The following DTX1 variants were observed in gnomAD, a reference collection of about 807,000 sequenced individuals.
DTX1 encodes the protein deltex E3 ubiquitin ligase 1, also known as E3 ubiquitin-protein ligase DTX1.
A neutral mutation model predicts 57.8 loss-of-function variants in DTX1; 26 were observed. The ratio of observed to expected loss-of-function variants is 0.45; its 90% CI spans 0.33 to 0.62. The LOEUF (loss-of-function observed/expected upper bound fraction) is 0.62. DTX1 is among the 20% of genes least tolerant of loss of function. The pLI, the probability that DTX1 is intolerant of heterozygous loss-of-function variation, is 0.02. For missense variants in DTX1, 704 were observed against 895.3 expected (o/e 0.79, Z 2.73); for synonymous variants, 398 against 394.1 (o/e 1.01, Z -0.12).
intron 2 of DTX1, among the ~76,000 whole-genome samples, chr12:113,071,724 C>T (rs1055872736): frequency 6.6e-6 from 1 of 152,262 alleles, no homozygotes; most frequent in Non-Finnish European, 1.5e-5. Context: ...AAGGAACCAG[C>T]TGCCCACCCC....
intron 2 of DTX1, among the ~76,000 whole-genome samples, chr12:113,072,799 G>T (rs1236491381): frequency 1.3e-5 from 2 of 150,434 alleles, no homozygotes; most frequent in Non-Finnish European, 2.9e-5. Context: ...TGCCTCCTGG[G>T]TTCAAGCGAT....
chr12:113,063,000 G>A (rs1464936031), intron 2 of DTX1, among the ~76,000 whole-genome samples: 2 of 152,250 alleles, frequency 1.3e-5, no homozygotes, highest in African/African-American at 4.8e-5. Flanking sequence ...GATCAATCAC[G>A]GTGGTGTCCC....
Position 113,057,988 on chromosome 12 carries a change from G to A in DTX1, c.-205G>A, listed in dbSNP as rs2044640430. On this transcript the variant is annotated 5_prime_UTR_variant, in exon 2 of 10. Coordinates refer to ENST00000548759, the MANE Select transcript of DTX1 (RefSeq NM_004416.3). The stretch of plus-strand genomic sequence containing the variant: ...ACCCTTTATCGGAGAAGGCTCTACA[G>A]GGAAGGGGTCTTTGCAGCCTGGATG... 1.3e-6 allele frequency: 1 copy of A among 755,996 alleles called. No homozygotes were observed. The highest frequency in any genetic ancestry group is 1.8e-5 in the African/African-American group (1 of 56,706). The allele number at this position is 755,996 out of a possible 1,614,324, so 46.8% of individuals were successfully genotyped here. A position where few individuals can be genotyped will look rare whatever the true frequency, so the allele number is the denominator to read the frequency against.
intron 2 of DTX1, among the ~76,000 whole-genome samples, chr12:113,064,063 G>A (rs1009551277): frequency 6.6e-6 from 1 of 152,162 alleles, no homozygotes. Context: ...CGCTCTTGGG[G>A]CTTGTTGTCA....
rs748998143 is a variant in DTX1, at chr12:113,058,487, C to T, written c.259+36C>T. On this transcript the variant is annotated intron_variant, in intron 2 of 9. Transcript: ENST00000548759. ...ACCCACCCCATGCCACCCGCCCCGC[C>T]GAGCCATCACTACCTTGCAGCGTAG... 8.3e-6 allele frequency: 13 copies of T among 1,566,014 alleles called. No homozygotes were observed. The African/African-American group carries it at 1.2e-4, about 15-fold the overall frequency.
intron 3 of DTX1, among the ~76,000 whole-genome samples, chr12:113,082,407 C>T (rs1431336659): frequency 6.6e-6 from 1 of 152,186 alleles, no homozygotes; most frequent in African/African-American, 2.4e-5. Context: ...ATAGGGGTGG[C>T]AGACCCTGGC....
At chr12:113,075,810 A>G (rs2044767320) in intron 2 of DTX1, among the ~76,000 whole-genome samples, 1 of 152,174 alleles carries the variant, frequency 6.6e-6, no homozygotes, top group Non-Finnish European at 1.5e-5. Flanking sequence ...ACAAAGTGTG[A>G]ATGAATTAAA....
Position 113,097,247 on chromosome 12 carries a change from G to T in DTX1, c.*308G>T, listed in dbSNP as rs528322859. ...GTTGAACTCATGCACGCACACCCAC[G>T]TGCCTGTACTTGCCCCCAGGCTGGA... On this transcript the variant is annotated 3_prime_UTR_variant, in exon 10 of 10. Transcript: ENST00000548759. 3.0e-6 allele frequency: 1 copy of T among 332,500 alleles called. No individual in the cohort carries two copies. Among genetic ancestry groups the T allele is most frequent in the East Asian group, 6.3e-5 (1 of 15,902 alleles). The allele number at this position is 332,500 out of a possible 1,614,324, so 20.6% of individuals were successfully genotyped here.
At chr12:113,090,618 G>C (rs1376490291) in intron 3 of DTX1, among the ~76,000 whole-genome samples, 2 of 152,152 alleles carry the variant, frequency 1.3e-5, no homozygotes, top group African/African-American at 4.8e-5. Context: ...GCCTCCCTCG[G>C]GAGCTGTGTT....
intron 9 of DTX1, chr12:113,095,644 T>C: frequency 1.8e-6 from 1 of 559,018 alleles, no homozygotes; most frequent in Non-Finnish European, 3.1e-6. Context: ...ACACAAGGCT[T>C]CAGAAAGGGC....
chr12:113,090,460 G>A (rs138437782), intron 3 of DTX1, among the ~76,000 whole-genome samples: 235 of 152,250 alleles, frequency 1.5e-3, no homozygotes, highest in African/African-American at 5.2e-3. Flanking sequence ...TCATCCCTGC[G>A]CCAAATGATG....
rs755327446 is a variant in DTX1 at position 113,077,437 on chromosome 12, C to T, written c.273C>T (p.Pro91=). 1.9e-6 allele frequency: 3 copies of T among 1,607,780 alleles called. 1 individual carries two copies. Among genetic ancestry groups the T allele is most frequent in the East Asian group, 2.2e-5 (1 of 44,838 alleles). The part of the protein sequence containing the change: ...QFRQDTGTMR[P]VRRNFYDPSS... ...TTTCGAGTACAGGCACCATGCGGCCCGTGCGGCGCAACTTCTACGACCCGT... is the reference window on the plus strand; with the variant it reads ...TTTCGAGTACAGGCACCATGCGGCCTGTGCGGCGCAACTTCTACGACCCGT... Residue 91 remains proline (P), a synonymous_variant, in exon 3 of 10, where the codon CCC becomes CCT. Coordinates refer to ENST00000548759, the MANE Select transcript of DTX1 (RefSeq NM_004416.3). This position sits in a 1 kb window ranked among gnomAD's most constrained non-coding sequence, Gnocchi z 7.8.
intron 3 of DTX1, among the ~76,000 whole-genome samples, chr12:113,078,863 C>T (rs1269210979): frequency 1.3e-5 from 2 of 152,100 alleles, no homozygotes; most frequent in Admixed American, 6.5e-5. Context: ...GGTTTGCACA[C>T]TGGGCTCCAG....
intron 3 of DTX1, among the ~76,000 whole-genome samples, chr12:113,085,395 T>A (rs2044849888): frequency 6.6e-6 from 1 of 152,202 alleles, no homozygotes; most frequent in African/African-American, 2.4e-5. Flanking sequence ...CCCATCTCTA[T>A]CAGATTTGTA....
intron 3 of DTX1, among the ~76,000 whole-genome samples, chr12:113,083,032 T>C (rs1290415943): frequency 1.3e-5 from 2 of 152,226 alleles, no homozygotes; most frequent in African/African-American, 4.8e-5. Context: ...ACAGGGTAGT[T>C]TCCTTCTGAG....
chr12:113,072,823 C>T (rs2044745983), intron 2 of DTX1, among the ~76,000 whole-genome samples: 1 of 150,500 alleles, frequency 6.6e-6, no homozygotes, highest in Non-Finnish European at 1.5e-5. Context: ...CATGCCTTAG[C>T]CTCCTGAGTA....
chr12:113,094,471 AG>A (rs1389589633), intron 6 of DTX1, among the ~76,000 whole-genome samples: 1 of 152,140 alleles, frequency 6.6e-6, no homozygotes, highest in Non-Finnish European at 1.5e-5. Context: ...CCAGCTACGT[AG>A]GAGGCTGAGG....
At position 113,078,117 on chromosome 12, in the gene DTX1, C is replaced by A. The variant is rs1318099284; in HGVS notation, c.941+12C>A. ...TCCATCCCGCCGGGGTAAGACGGGG[C>A]CCAGGGGGAGGGGGCCTCTGCGTCG... is the stretch of plus-strand genomic sequence containing the variant. On this transcript the variant is annotated intron_variant, in intron 3 of 9. Coordinates refer to ENST00000548759, the MANE Select transcript of DTX1 (RefSeq NM_004416.3). The A allele has an allele frequency of 7.4e-7, 1 of 1,353,956 alleles. No individual in the cohort carries two copies. The highest frequency in any genetic ancestry group is 9.5e-7 in the Non-Finnish European group (1 of 1,055,712). The allele number at this position is 1,353,956 out of a possible 1,614,324, so 83.9% of individuals were successfully genotyped here. A position where few individuals can be genotyped will look rare whatever the true frequency, so the allele number is the denominator to read the frequency against.
At chr12:113,068,489 A>G (rs2136426507) in intron 2 of DTX1, among the ~76,000 whole-genome samples, 1 of 152,332 alleles carries the variant, frequency 6.6e-6, no homozygotes, top group East Asian at 1.9e-4. Context: ...CAGGGAGGCC[A>G]GTGGGGTGGG....
Sources: gnomAD v4.1 joint callset for allele counts (sites outside exome capture counted in the v4.1 genomes callset) on GRCh38, gnomAD v4.1.1 for gene constraint, Gnocchi (gnomAD v3.1) non-coding constraint, MANE v1.5 for transcripts, NCBI Gene and HGNC (gene_info 2026-07-23, HGNC 2026-07-21) for gene names.